NKAIN2: variants seen among roughly 807,000 people sequenced by gnomAD.
NKAIN2 encodes the protein sodium/potassium transporting ATPase interacting 2.
A neutral mutation model predicts 32.6 loss-of-function variants in NKAIN2; 14 were observed. The observed-to-expected ratio is 0.43, with a 90% CI of 0.28 to 0.67. The LOEUF (loss-of-function observed/expected upper bound fraction) is 0.67, where lower values mean the gene tolerates loss of function less well. Among genes scored for constraint, NKAIN2 ranks in the 30% least tolerant of loss-of-function variants. The probability of loss-of-function intolerance (pLI) is 0.17; values close to 1 mark genes in which losing one functional copy is unlikely to be tolerated. For synonymous variants in NKAIN2, 80 were observed against 87.2 expected (o/e 0.92, Z 0.46); for missense variants, 198 against 258.3 (o/e 0.77, Z 1.60).
chr6:124,472,718 T>TA (rs5879739), intron 3 of NKAIN2, among the ~76,000 whole-genome samples: 11 of 149,016 alleles, frequency 7.4e-5, no homozygotes, highest in South Asian at 4.3e-4. Context: ...AGTAGGCAGA[T>TA]AAAAAAAAAA....
chr6:124,773,475 T>C (rs940819248), intron 4 of NKAIN2, among the ~76,000 whole-genome samples: 2 of 152,142 alleles, frequency 1.3e-5, no homozygotes, highest in Non-Finnish European at 2.9e-5. Flanking sequence ...AGATCAGCTA[T>C]GGCTCAGAGG....
chr6:124,119,562 G>A (rs995483609), intron 1 of NKAIN2, among the ~76,000 whole-genome samples: 1 of 152,134 alleles, frequency 6.6e-6, no homozygotes, highest in Non-Finnish European at 1.5e-5. Flanking sequence ...CCAAACTCTT[G>A]CATATGGGAC....
At chr6:124,201,814 T>C (rs1790606072) in intron 1 of NKAIN2, among the ~76,000 whole-genome samples, 2 of 151,968 alleles carry the variant, frequency 1.3e-5, no homozygotes, top group Admixed American at 6.6e-5. Context: ...ATTATGAAAA[T>C]GTTCTCACTT....
chr6:123,975,533 T>A (rs1480920824), intron 1 of NKAIN2, among the ~76,000 whole-genome samples: 1 of 152,184 alleles, frequency 6.6e-6, no homozygotes, highest in Non-Finnish European at 1.5e-5. Context: ...TTAATCCACT[T>A]GGACTGCTGT....
chr6:124,514,647 G>C (rs1437265247), intron 3 of NKAIN2, among the ~76,000 whole-genome samples: 1 of 151,950 alleles, frequency 6.6e-6, no homozygotes, highest in East Asian at 1.9e-4. Flanking sequence ...GATTCAGAAG[G>C]GTTCTCCAGT....
rs191307972 is a variant in NKAIN2, at chr6:124,091,552, T to C, written c.55-191453T>C. 6.6e-4 allele frequency among the ~76,000 whole-genome samples: 101 copies of C among 152,110 alleles called. 1 individual carries two copies. Among genetic ancestry groups the C allele is most frequent in the Admixed American group, 3.7e-3 (56 of 15,258 alleles). On this transcript the variant is annotated intron_variant, in intron 1 of 6. Transcript: ENST00000368417. ...GGGAATCTGAAAATAATACATACAT[T>C]TTTGTACACATTGGCTGAATGTGTG...
chr6:123,837,639 C>T (rs977320567), intron 1 of NKAIN2, among the ~76,000 whole-genome samples: 5 of 152,120 alleles, frequency 3.3e-5, no homozygotes, highest in African/African-American at 1.2e-4. Flanking sequence ...AAATTCATGT[C>T]TTTCCTCCAC....
chr6:124,736,480 T>C (rs1776947413), intron 4 of NKAIN2, among the ~76,000 whole-genome samples: 2 of 151,932 alleles, frequency 1.3e-5, no homozygotes, highest in Admixed American at 1.3e-4. Context: ...CAAATATAAC[T>C]TCCATAGCTA....
intron 1 of NKAIN2, among the ~76,000 whole-genome samples, chr6:124,141,139 C>T (rs148601389): frequency 1.8e-4 from 28 of 152,146 alleles, no homozygotes; most frequent in African/African-American, 6.0e-4. Flanking sequence ...AACCATTTGT[C>T]GTTCAAAGAT....
intron 3 of NKAIN2, among the ~76,000 whole-genome samples, chr6:124,485,712 T>G (rs1777623007): frequency 6.6e-6 from 1 of 152,068 alleles, no homozygotes; most frequent in African/African-American, 2.4e-5. Context: ...TCTGAGCCCT[T>G]CTAATAAAGC....
At position 124,744,661 on chromosome 6, in the gene NKAIN2, C is replaced by A. The variant is rs114057848; in HGVS notation, c.475-46678C>A. On this transcript the variant is annotated intron_variant, in intron 4 of 6. Coordinates refer to ENST00000368417, the MANE Select transcript of NKAIN2 (RefSeq NM_001040214.3). ...TCGAAAGTAAGTACATTTATTACAT[C>A]TATTCTATTTTGCGTATTTGGGGTC... 5.1e-3 allele frequency among the ~76,000 whole-genome samples: 773 copies of A among 151,846 alleles called. 11 individuals are homozygous for A. The highest frequency in any genetic ancestry group is 0.018 in the African/African-American group (740 of 41,468).
chr6:124,378,537 C>G (rs890555782), intron 3 of NKAIN2, among the ~76,000 whole-genome samples: 2 of 152,096 alleles, frequency 1.3e-5, no homozygotes, highest in Non-Finnish European at 2.9e-5. Flanking sequence ...TGTTGCATTC[C>G]CAGTGTATTC....
intron 4 of NKAIN2, among the ~76,000 whole-genome samples, chr6:124,749,990 CAT>C (rs1777635130): frequency 6.6e-6 from 1 of 151,546 alleles, no homozygotes; most frequent in Non-Finnish European, 1.5e-5. Context: ...TCTTTGGGGA[CAT>C]GTGATATAAT....
intron 4 of NKAIN2, among the ~76,000 whole-genome samples, chr6:124,772,216 TA>T (rs1167739015): frequency 6.6e-6 from 1 of 152,080 alleles, no homozygotes; most frequent in African/African-American, 2.4e-5. Context: ...GGAAAAGAAA[TA>T]ATTGAGTTTA....
chr6:124,703,998 C>T (rs1398900421), intron 4 of NKAIN2, among the ~76,000 whole-genome samples: 9 of 151,506 alleles, frequency 5.9e-5, no homozygotes, highest in Middle Eastern at 3.4e-3. Flanking sequence ...TTTATGGTAC[C>T]GAAGAGTAGT....
chr6:124,784,895 G>T (rs1582519807), intron 4 of NKAIN2, among the ~76,000 whole-genome samples: 1 of 152,064 alleles, frequency 6.6e-6, no homozygotes, highest in South Asian at 2.1e-4. Context: ...AAGTTTGATT[G>T]TCATGCATCT....
chr6:124,706,766 G>C (rs752314094), intron 4 of NKAIN2, among the ~76,000 whole-genome samples: 4 of 152,096 alleles, frequency 2.6e-5, no homozygotes, highest in Non-Finnish European at 5.9e-5. Flanking sequence ...TGTAATGACT[G>C]TCCAACTGAA....
At chr6:124,725,748 T>C (rs907335231) in intron 4 of NKAIN2, among the ~76,000 whole-genome samples, 9 of 152,148 alleles carry the variant, frequency 5.9e-5, no homozygotes, top group Admixed American at 2.0e-4. Context: ...CAGCTCCCAG[T>C]GTGAGCGACG....
chr6:124,543,957 C>A (rs1244111666), intron 3 of NKAIN2, among the ~76,000 whole-genome samples: 9 of 152,132 alleles, frequency 5.9e-5, no homozygotes, highest in Admixed American at 5.9e-4. Context: ...CAGCCTGTTT[C>A]CCACTGTTTG....
Sources: allele counts gnomAD v4.1 joint callset (sites outside exome capture counted in the v4.1 genomes callset), GRCh38; gene constraint gnomAD v4.1.1; transcripts MANE v1.5; gene names NCBI Gene and HGNC (gene_info 2026-07-23, HGNC 2026-07-21).